The following RETREG1 variants were observed in gnomAD, a reference collection of about 807,000 sequenced individuals.
RETREG1 encodes the protein reticulophagy regulator 1.
Under a neutral mutation model 54.8 loss-of-function variants are expected in RETREG1, and 44 were observed. The ratio of observed to expected loss-of-function variants is 0.80; its 90% CI spans 0.63 to 1.03. RETREG1 has a LOEUF of 1.03. RETREG1 is among the 50% of genes least tolerant of loss of function. RETREG1 has a pLI of 0.00. For synonymous variants in RETREG1, 217 were observed against 238.5 expected (o/e 0.91, Z 0.83); for missense variants, 554 against 605.1 (o/e 0.92, Z 0.89).
chr5:16,490,229 G>C (rs952922855), intron 3 of RETREG1, among the ~76,000 whole-genome samples: 3 of 152,132 alleles, frequency 2.0e-5, no homozygotes, highest in Admixed American at 6.5e-5. Context: ...CCCATAATTG[G>C]AGCCAGTTCC....
intron 1 of RETREG1, among the ~76,000 whole-genome samples, chr5:16,572,691 G>A (rs1473134425): frequency 6.6e-6 from 1 of 152,168 alleles, no homozygotes; most frequent in African/African-American, 2.4e-5. Context: ...ATTGCTCCTA[G>A]TGCTGGGCTT....
intron 3 of RETREG1, among the ~76,000 whole-genome samples, chr5:16,530,302 C>T (rs975033453): frequency 6.7e-4 from 102 of 152,198 alleles, no homozygotes; most frequent in African/African-American, 2.3e-3. Context: ...TTCTGCCAAG[C>T]GACCCCTGGT....
chr5:16,508,230 G>C (rs1740037882), intron 3 of RETREG1, among the ~76,000 whole-genome samples: 1 of 152,180 alleles, frequency 6.6e-6, no homozygotes, highest in Non-Finnish European at 1.5e-5. Flanking sequence ...ATGTTCAATA[G>C]CTTAGATTTC....
In RETREG1 at chr5:16,593,303, C is replaced by T. The variant is rs1481563650; in HGVS notation, c.321-21201G>A. ...CTGGTTTGCTTGGCCATTTGTTTCCCATCTGTCTGTCCTTCCCTACCCCAT... is the reference window on the plus strand; with the variant it reads ...CTGGTTTGCTTGGCCATTTGTTTCCTATCTGTCTGTCCTTCCCTACCCCAT... On this transcript the variant is annotated intron_variant, in intron 1 of 8. Transcript: ENST00000306320. This position sits in a 1 kb window ranked among gnomAD's most constrained non-coding sequence, Gnocchi z 4.9. 1.1e-4 allele frequency among the ~76,000 whole-genome samples: 17 copies of T among 152,112 alleles called. No homozygotes were observed. The highest frequency in any genetic ancestry group is 1.1e-3 in the Admixed American group (17 of 15,274).
chr5:16,496,887 G>C (rs1425258900), intron 3 of RETREG1, among the ~76,000 whole-genome samples: 1 of 152,166 alleles, frequency 6.6e-6, no homozygotes, highest in Non-Finnish European at 1.5e-5. Context: ...CAAAAAGGCA[G>C]CCATAGACAA....
At chr5:16,496,599 C>T (rs1739467929) in intron 3 of RETREG1, among the ~76,000 whole-genome samples, 1 of 152,172 alleles carries the variant, frequency 6.6e-6, no homozygotes, top group East Asian at 1.9e-4. Flanking sequence ...CACCACCCAG[C>T]TGAAACTCAG....
intron 1 of RETREG1, among the ~76,000 whole-genome samples, chr5:16,590,908 CAA>C (rs34630960): frequency 4.0e-5 from 5 of 124,622 alleles, no homozygotes; most frequent in African/African-American, 1.0e-4. Flanking sequence ...TGCACAAACA[CAA>C]AAAAACACAC....
intron 3 of RETREG1, among the ~76,000 whole-genome samples, chr5:16,484,594 C>T (rs1738945323): frequency 1.3e-5 from 2 of 152,080 alleles, no homozygotes; most frequent in Non-Finnish European, 1.5e-5. Context: ...CTACCTTTGC[C>T]CTTAGATGCT....
At chr5:16,489,100 A>C (rs1189006815) in intron 3 of RETREG1, among the ~76,000 whole-genome samples, 2,416 of 136,120 alleles carry the variant, frequency 0.018, 111 homozygotes, top group African/African-American at 0.058. Flanking sequence ...AAAAAAAAAA[A>C]AAAAAAAAAA....
At chr5:16,512,345 G>A (rs1358508323) in intron 3 of RETREG1, among the ~76,000 whole-genome samples, 1 of 152,068 alleles carries the variant, frequency 6.6e-6, no homozygotes, top group African/African-American at 2.4e-5. Flanking sequence ...CTCCAGCAGA[G>A]CCTACACATG....
At chr5:16,508,952 A>G (rs766634410) in intron 3 of RETREG1, 1 of 1,109,572 alleles carries the variant, frequency 9.0e-7, no homozygotes. Flanking sequence ...TTCTCTCTCC[A>G]GTCCTGTGAG....
intron 1 of RETREG1, among the ~76,000 whole-genome samples, chr5:16,584,835 G>A (rs950363285): frequency 6.6e-6 from 1 of 152,210 alleles, no homozygotes; most frequent in Non-Finnish European, 1.5e-5. Flanking sequence ...ACATGTATGT[G>A]TGTTGGCTGG....
intron 3 of RETREG1, among the ~76,000 whole-genome samples, chr5:16,511,255 T>C (rs1473227916): frequency 6.6e-6 from 1 of 152,184 alleles, no homozygotes; most frequent in Non-Finnish European, 1.5e-5. Context: ...TACTCTCTTA[T>C]GAAGCTGGGC....
At chr5:16,486,903 G>A (rs1739041823) in intron 3 of RETREG1, among the ~76,000 whole-genome samples, 1 of 152,134 alleles carries the variant, frequency 6.6e-6, no homozygotes, top group Admixed American at 6.5e-5. Context: ...TTTAACACAG[G>A]TGTCATCTGC....
At chr5:16,483,537 TTG>T (rs1456551410) in intron 3 of RETREG1, 65 bp from the exon 4 acceptor site, 1 of 1,562,698 alleles carries the variant, frequency 6.4e-7, no homozygotes, top group Non-Finnish European at 8.8e-7. Context: ...ATTTATGGCT[TTG>T]GCAAATATTT....
Position 16,481,063 on chromosome 5 carries a change from A to G in RETREG1, c.616T>C (p.Phe206Leu). Residue 206 changes from phenylalanine (F) to leucine (L), a missense_variant, in exon 5 of 9, where the codon TTT becomes CTT. Physicochemically the swap from Phe to Leu is conservative, Grantham distance 22. Transcript: ENST00000306320. ...ATGTAACTTCCCAAGATCGTAAAAA[A>G]TGTGCACACACTACAGACCAGGAGA... ...FCLLVCSVCT[F>L]FTILGSYIPG... The G allele has an allele frequency of 6.2e-7, 1 of 1,612,018 alleles. No individual in the cohort carries two copies. Among genetic ancestry groups the G allele is most frequent in the Non-Finnish European group, 8.5e-7 (1 of 1,178,470 alleles).
chr5:16,582,138 G>A lies in RETREG1; in HGVS notation c.321-10036C>T, dbSNP rs77694064. ...ATACATAAATACATAAAGTCTATGT[G>A]TATAATAAATACCCCATTTGTCATA... is the stretch of plus-strand genomic sequence containing the variant. On this transcript the variant is annotated intron_variant, in intron 1 of 8. Transcript: ENST00000306320. Among the ~76,000 whole-genome samples, 135 of 152,308 alleles carry A rather than the reference G, an allele frequency of 8.9e-4. 1 individual carries two copies. The East Asian group carries it at 0.024, about 27-fold the overall frequency.
chr5:16,563,838 T>C (rs1472877912), intron 3 of RETREG1, among the ~76,000 whole-genome samples: 1 of 152,172 alleles, frequency 6.6e-6, no homozygotes, highest in Admixed American at 6.5e-5. Context: ...ACCTTACTTG[T>C]TGGGTTAATT....
At chr5:16,568,890 A>G (rs1418055528) in intron 2 of RETREG1, among the ~76,000 whole-genome samples, 2 of 152,222 alleles carry the variant, frequency 1.3e-5, no homozygotes, top group African/African-American at 2.4e-5. Context: ...AAAGTTTCAT[A>G]TTTTTAGCGA....
Sources: gnomAD v4.1 joint callset for allele counts (sites outside exome capture counted in the v4.1 genomes callset) on GRCh38, gnomAD v4.1.1 for gene constraint, Gnocchi (gnomAD v3.1) non-coding constraint, MANE v1.5 for transcripts, NCBI Gene and HGNC (gene_info 2026-07-23, HGNC 2026-07-21) for gene names.